The following CATSPERT variants were observed in gnomAD, a reference collection of about 807,000 sequenced individuals.
CATSPERT encodes catsper channel auxiliary subunit tau.
the CATSPERT span, among the ~76,000 whole-genome samples, chr2:201,522,868 G>T: frequency 1.3e-5 from 2 of 152,188 alleles, no homozygotes; most frequent in Non-Finnish European, 2.9e-5. Context: ...GTGAGACAGG[G>T]CCAGTTTGGT....
the CATSPERT span, among the ~76,000 whole-genome samples, chr2:201,572,398 T>C: frequency 6.6e-6 from 1 of 152,316 alleles, no homozygotes; most frequent in East Asian, 1.9e-4. Context: ...CTGTTTACAG[T>C]ATCACGATAG....
At chr2:201,497,921 T>A in the CATSPERT span, among the ~76,000 whole-genome samples, 262 of 152,266 alleles carry the variant, frequency 1.7e-3, no homozygotes, top group Non-Finnish European at 2.8e-3. Context: ...TAAGGTGAGC[T>A]ACCAGGATCT....
At chr2:201,511,054 G>A in the CATSPERT span, among the ~76,000 whole-genome samples, 1 of 152,106 alleles carries the variant, frequency 6.6e-6, no homozygotes, top group Non-Finnish European at 1.5e-5. Flanking sequence ...ATAAACACAT[G>A]AAAATTGTTC....
At chr2:201,565,705 ATT>A in the CATSPERT span, 189,396 of 1,295,596 alleles carry the variant, frequency 0.15, 431 homozygotes, top group East Asian at 0.21. Context: ...GCTCTTTTGA[ATT>A]TTTTTTTTTT....
At chr2:201,528,068 GAAA>G in the CATSPERT span, among the ~76,000 whole-genome samples, 88,230 of 138,966 alleles carry the variant, frequency 0.63, 28,483 homozygotes, top group East Asian at 0.94. Flanking sequence ...AGCAAAAAGC[GAAA>G]AAAAAAAAAA....
At chr2:201,602,873 A>G in the CATSPERT span, among the ~76,000 whole-genome samples, 2 of 152,218 alleles carry the variant, frequency 1.3e-5, no homozygotes, top group Non-Finnish European at 2.9e-5. Flanking sequence ...ATATATTTTT[A>G]AATTAAAATT....
At chr2:201,530,394 T>C in the CATSPERT span, among the ~76,000 whole-genome samples, 1 of 152,206 alleles carries the variant, frequency 6.6e-6, no homozygotes, top group Admixed American at 6.5e-5. Context: ...ATATAGTATA[T>C]GTACACAGTG....
chr2:201,534,344 T>C, the CATSPERT span: 22 of 925,944 alleles, frequency 2.4e-5, no homozygotes, highest in East Asian at 1.4e-3. Context: ...AACATCTTTT[T>C]TAATCCACTA....
chr2:201,597,518 T>C, the CATSPERT span, among the ~76,000 whole-genome samples: 2 of 152,102 alleles, frequency 1.3e-5, no homozygotes, highest in African/African-American at 4.8e-5. Flanking sequence ...CAGCGTCTGC[T>C]TCCTCCACGC....
the CATSPERT span, among the ~76,000 whole-genome samples, chr2:201,600,480 A>T: frequency 4.7e-4 from 71 of 152,278 alleles, 2 homozygotes; most frequent in South Asian, 0.011. Flanking sequence ...AGAAATACCT[A>T]ATGTAAATGA....
At chr2:201,618,160 A>G in the CATSPERT span, among the ~76,000 whole-genome samples, 17 of 152,202 alleles carry the variant, frequency 1.1e-4, no homozygotes, top group Non-Finnish European at 2.4e-4. Context: ...GCGATTCCTC[A>G]AGGGTCTAGA....
the CATSPERT span, among the ~76,000 whole-genome samples, chr2:201,501,057 G>A: frequency 1.3e-5 from 2 of 152,094 alleles, no homozygotes; most frequent in African/African-American, 4.8e-5. Context: ...CAGAAAAATC[G>A]ATGCTAAGGG....
At chr2:201,557,545 C>T in the CATSPERT span, 8,383 of 152,232 alleles carry the variant, frequency 0.055, 283 homozygotes, top group African/African-American at 0.081. Flanking sequence ...CTAATCTGTC[C>T]AATTTGGCCT....
the CATSPERT span, chr2:201,603,421 A>G: frequency 3.2e-6 from 2 of 631,076 alleles, no homozygotes; most frequent in Admixed American, 3.7e-5. Flanking sequence ...CATGAAAAAT[A>G]TCTAGTTAAT....
At chr2:201,601,454 C>A in the CATSPERT span, among the ~76,000 whole-genome samples, 4 of 151,918 alleles carry the variant, frequency 2.6e-5, no homozygotes, top group Non-Finnish European at 5.9e-5. Context: ...AAGAGAAGAG[C>A]AAGATAGAGA....
At chr2:201,490,661 T>G in the CATSPERT span, among the ~76,000 whole-genome samples, 1 of 152,176 alleles carries the variant, frequency 6.6e-6, no homozygotes, top group Non-Finnish European at 1.5e-5. Flanking sequence ...GTGTTAACAG[T>G]CCCGCTGATT....
At chr2:201,539,700 T>A in the CATSPERT span, among the ~76,000 whole-genome samples, 1 of 151,990 alleles carries the variant, frequency 6.6e-6, no homozygotes, top group Non-Finnish European at 1.5e-5. Context: ...TGTTCCCCCA[T>A]CTTTCTTCCT....
At chr2:201,580,678 C>T in the CATSPERT span, among the ~76,000 whole-genome samples, 1 of 152,278 alleles carries the variant, frequency 6.6e-6, no homozygotes, top group African/African-American at 2.4e-5. Flanking sequence ...TCTTTGAAGA[C>T]TTCCTTGCTG....
chr2:201,545,621 C>T, the CATSPERT span: 545 of 638,572 alleles, frequency 8.5e-4, 4 homozygotes, highest in African/African-American at 0.013. Context: ...ATATTAGTTT[C>T]CTAGAAGCAA....
Sources: gnomAD v4.1 joint callset for allele counts (sites outside exome capture counted in the v4.1 genomes callset) on GRCh38, gnomAD v4.1.1 for gene constraint, MANE v1.5 for transcripts, NCBI Gene and HGNC (gene_info 2026-07-23, HGNC 2026-07-21) for gene names.